The following ASAP1 variants were observed in gnomAD, a reference collection of about 807,000 sequenced individuals.
ASAP1 encodes the protein arf-GAP with SH3 domain, ANK repeat and PH domain-containing protein 1.
In ASAP1, 43 loss-of-function variants were observed where a neutral mutation model predicts 145.2. The observed-to-expected ratio is 0.30, with a 90% CI of 0.23 to 0.38. The LOEUF is 0.38. Among genes scored for constraint, ASAP1 ranks in the 10% least tolerant of loss-of-function variants. ASAP1 has a pLI of 1.00. For synonymous variants in ASAP1, 546 were observed against 515.5 expected, an observed-to-expected ratio of 1.06 and a Z score of -0.80; for missense variants, 1,018 against 1,355.3, an observed-to-expected ratio of 0.75 and a Z score of 3.91.
At chr8:130,193,180 C>A (rs1431351185) in intron 5 of ASAP1, among the ~76,000 whole-genome samples, 2 of 152,046 alleles carry the variant, frequency 1.3e-5, no homozygotes, top group South Asian at 2.1e-4. Context: ...ACCAGCCTGG[C>A]CAACAAGATG....
At chr8:130,390,169 T>C (rs886412456) in intron 2 of ASAP1, among the ~76,000 whole-genome samples, 3 of 152,186 alleles carry the variant, frequency 2.0e-5, no homozygotes, top group African/African-American at 7.2e-5. Flanking sequence ...ATTACCTCGC[T>C]TTACCTCTCT....
At chr8:130,086,438 T>C (rs1055625707) in intron 25 of ASAP1, among the ~76,000 whole-genome samples, 2 of 152,324 alleles carry the variant, frequency 1.3e-5, no homozygotes, top group South Asian at 4.1e-4. Context: ...ATTACGTACG[T>C]AGTTTTTTAT....
intron 5 of ASAP1, among the ~76,000 whole-genome samples, chr8:130,194,112 T>G (rs1164256609): frequency 6.6e-6 from 1 of 152,212 alleles, no homozygotes; most frequent in Non-Finnish European, 1.5e-5. Context: ...TAAGAAATCA[T>G]GAACGCAAAA....
chr8:130,285,353 G>A (rs914248361), intron 3 of ASAP1, among the ~76,000 whole-genome samples: 1 of 152,114 alleles, frequency 6.6e-6, no homozygotes, highest in African/African-American at 2.4e-5. Flanking sequence ...AACTGACTTG[G>A]TGCCAGCCTA....
intron 2 of ASAP1, among the ~76,000 whole-genome samples, chr8:130,394,327 G>A (rs753972505): frequency 9.9e-5 from 15 of 152,114 alleles, no homozygotes; most frequent in Non-Finnish European, 1.8e-4. Flanking sequence ...CTTGGGTGTG[G>A]CCATCTTCTA....
chr8:130,297,438 G>C (rs1822355081), intron 3 of ASAP1, among the ~76,000 whole-genome samples: 1 of 152,192 alleles, frequency 6.6e-6, no homozygotes, highest in African/African-American at 2.4e-5. Context: ...GGCTGTTCAA[G>C]GGTCAACTAA....
At chr8:130,293,534 T>C (rs1390986503) in intron 3 of ASAP1, among the ~76,000 whole-genome samples, 1 of 152,174 alleles carries the variant, frequency 6.6e-6, no homozygotes, top group Non-Finnish European at 1.5e-5. Context: ...CAGCTTAGAA[T>C]GACAGTACAA....
At chr8:130,248,713 T>C (rs1819008996) in intron 3 of ASAP1, among the ~76,000 whole-genome samples, 1 of 152,072 alleles carries the variant, frequency 6.6e-6, no homozygotes, top group African/African-American at 2.4e-5. Flanking sequence ...TTATCTGAAG[T>C]ATTTCTGTTG....
chr8:130,439,094 C>G (rs1411658418), intron 1 of ASAP1, among the ~76,000 whole-genome samples: 1 of 152,090 alleles, frequency 6.6e-6, no homozygotes, highest in Non-Finnish European at 1.5e-5. Flanking sequence ...CTTTAAGGGT[C>G]CTTCAAGGTG....
Position 130,089,039 on chromosome 8 carries a change from T to C in ASAP1, c.2572+2934A>G, listed in dbSNP as rs111586043. Reference sequence around the variant, plus strand: ...TTGCTCTGCTGAGAGAAGCAGCACATGCCCTCAGAAGGAGTTCATGTACTA... The same window carrying C: ...TTGCTCTGCTGAGAGAAGCAGCACACGCCCTCAGAAGGAGTTCATGTACTA... On this transcript the variant is annotated intron_variant, in intron 25 of 29. Coordinates refer to ENST00000518721, the MANE Select transcript of ASAP1 (RefSeq NM_018482.4). 6.9e-3 allele frequency among the ~76,000 whole-genome samples: 1,058 copies of C among 152,274 alleles called. 11 individuals carry two copies. Among genetic ancestry groups the C allele is most frequent in the African/African-American group, 0.025 (1,021 of 41,546 alleles).
intron 5 of ASAP1, among the ~76,000 whole-genome samples, chr8:130,199,072 T>C (rs1165795728): frequency 1.3e-5 from 2 of 152,224 alleles, no homozygotes. Flanking sequence ...GCCTTGACCA[T>C]TCTAAATAAT....
rs1202884888 is a variant in ASAP1, at chr8:130,112,378, C to T, written c.2173-56G>A. On this transcript the variant is annotated intron_variant, in intron 23 of 29. Transcript: ENST00000518721. Reference sequence around the variant, plus strand: ...AATCAAGGACCACCCTTCATGTGTACAGAGGGCCTCCGCAGGGCGGGCTCA... The same window carrying T: ...AATCAAGGACCACCCTTCATGTGTATAGAGGGCCTCCGCAGGGCGGGCTCA... 5.3e-6 allele frequency: 8 copies of T among 1,505,244 alleles called. No individual in the cohort carries two copies. The East Asian group carries it at 1.6e-4, about 30-fold the overall frequency. 93.2% of individuals were successfully genotyped at this position (1,505,244 alleles called of 1,614,324 possible).
chr8:130,252,885 T>G (rs1034642465), intron 3 of ASAP1, among the ~76,000 whole-genome samples: 9 of 152,146 alleles, frequency 5.9e-5, no homozygotes, highest in Admixed American at 2.0e-4. Flanking sequence ...TGGAAAGAAG[T>G]TTCCTGAGTC....
intron 8 of ASAP1, 27 bp from the exon 9 acceptor site, chr8:130,179,376 T>G (rs771480562): frequency 6.9e-7 from 1 of 1,456,886 alleles, no homozygotes; most frequent in African/African-American, 1.4e-5. Flanking sequence ...GGGTTTTGCG[T>G]TGATTAATTC....
intron 18 of ASAP1, 142 bp downstream of exon 18, chr8:130,123,871 G>A (rs1054260225): frequency 3.7e-5 from 22 of 593,526 alleles, no homozygotes; most frequent in African/African-American, 1.2e-4. Context: ...CTCGTGATCC[G>A]TTTGCCTCAG....
chr8:130,240,863 C>G (rs1461648180), intron 3 of ASAP1, among the ~76,000 whole-genome samples: 1 of 152,096 alleles, frequency 6.6e-6, no homozygotes, highest in Admixed American at 6.6e-5. Flanking sequence ...TGAATCTAGG[C>G]CCAGAGAAGA....
intron 27 of ASAP1, among the ~76,000 whole-genome samples, chr8:130,073,763 A>G (rs1034418806): frequency 6.6e-6 from 1 of 152,188 alleles, no homozygotes; most frequent in Admixed American, 6.5e-5. Context: ...CTTGGCTCTG[A>G]GCATTAACAG....
chr8:130,348,193 A>G (rs564493898), intron 3 of ASAP1, among the ~76,000 whole-genome samples: 1 of 152,324 alleles, frequency 6.6e-6, no homozygotes, highest in Admixed American at 6.5e-5. Context: ...CAAGGTATCC[A>G]GGCTATTTTA....
chr8:130,417,755 C>T (rs1829548285), intron 1 of ASAP1, among the ~76,000 whole-genome samples: 1 of 152,118 alleles, frequency 6.6e-6, no homozygotes. Context: ...CATCTGTTGG[C>T]TCTGTATTTC....
Sources: allele counts gnomAD v4.1 joint callset (sites outside exome capture counted in the v4.1 genomes callset), GRCh38; gene constraint gnomAD v4.1.1; transcripts MANE v1.5; gene names NCBI Gene and HGNC (gene_info 2026-07-23, HGNC 2026-07-21).